RTKN2: variants seen among roughly 807,000 people sequenced by gnomAD.
The protein encoded by RTKN2 is rhotekin 2, also known as rhotekin-2.
A neutral mutation model predicts 71.5 loss-of-function variants in RTKN2; 69 were observed. The observed-to-expected ratio is 0.96, with a 90% confidence interval of 0.79 to 1.18. The LOEUF is 1.18. RTKN2 is among the 50% of genes most tolerant of loss of function. RTKN2 has a pLI of 0.00. For missense variants in RTKN2, 724 were observed against 719.7 expected, an observed-to-expected ratio of 1.01 and a Z score of -0.07; for synonymous variants, 236 against 236.5, an observed-to-expected ratio of 1.00 and a Z score of 0.02.
At position 62,262,802 on chromosome 10, in the gene RTKN2, T is replaced by A; in HGVS notation, c.80A>T (p.Lys27Ile). The change falls in exon 2 of 12, where the codon AAA becomes ATA. Residue 27 changes from lysine (K) to isoleucine (I), a missense_variant. By Grantham distance (102) the Lys-to-Ile change is moderately radical. Coordinates refer to ENST00000373789, the MANE Select transcript of RTKN2 (RefSeq NM_145307.4). ...TCGCATTCGAATTTCTAAGTCTATTTTTTCTTGAATGTTGCAGTCCTAAAA... is the reference window on the plus strand; with the variant it reads ...TCGCATTCGAATTTCTAAGTCTATTATTTCTTGAATGTTGCAGTCCTAAAA... Reference protein sequence around the residue: ...PTQQDCNIQEKIDLEIRMREG... With the variant: ...PTQQDCNIQEIIDLEIRMREG... 1 of 1,607,340 alleles carries A rather than the reference T, an allele frequency of 6.2e-7. No individual in the cohort carries two copies. Among genetic ancestry groups the A allele is most frequent in the Admixed American group, 1.7e-5 (1 of 58,730 alleles).
intron 9 of RTKN2, among the ~76,000 whole-genome samples, chr10:62,210,296 C>T (rs1445620268): frequency 6.6e-6 from 1 of 152,026 alleles, no homozygotes; most frequent in Non-Finnish European, 1.5e-5. Context: ...TTAAGTGTGA[C>T]AATTGGAATA....
downstream of RTKN2, among the ~76,000 whole-genome samples, chr10:62,190,274 CA>C (rs1841200078): frequency 6.6e-6 from 1 of 152,118 alleles, no homozygotes; most frequent in East Asian, 1.9e-4. Flanking sequence ...TCACGTTTAT[CA>C]GAGGCTGTTG....
chr10:62,257,520 C>T (rs566247039), intron 2 of RTKN2, among the ~76,000 whole-genome samples: 1 of 152,284 alleles, frequency 6.6e-6, no homozygotes, highest in African/African-American at 2.4e-5. Context: ...AGATATGGCA[C>T]TTCAGTGTAA....
chr10:62,237,806 T>C (rs1842289555), intron 5 of RTKN2, among the ~76,000 whole-genome samples: 1 of 151,524 alleles, frequency 6.6e-6, no homozygotes, highest in Non-Finnish European at 1.5e-5. Flanking sequence ...GGGTGCTGTC[T>C]GGGTGATCTT....
chr10:62,249,549 T>C (rs566183965), intron 2 of RTKN2, among the ~76,000 whole-genome samples: 1 of 152,230 alleles, frequency 6.6e-6, no homozygotes, highest in African/African-American at 2.4e-5. Context: ...AAGAACTCAA[T>C]GAATGTTTAG....
In RTKN2 at chr10:62,196,534, T is replaced by G. The variant is rs929677811; in HGVS notation, c.*1374A>C. ...AAATAATGAAAGGCTCCATTTAAAT[T>G]AATGTGGTTTTTTGGTCAAGTGTTC... On this transcript the variant is annotated 3_prime_UTR_variant, in exon 12 of 12. Coordinates refer to ENST00000373789, the MANE Select transcript of RTKN2 (RefSeq NM_145307.4). 7 of 985,270 alleles carry G rather than the reference T, an allele frequency of 7.1e-6. No individual in the cohort carries two copies. The highest frequency in any genetic ancestry group is 8.4e-6 in the Non-Finnish European group (7 of 829,906). 61.0% of individuals were successfully genotyped at this position (985,270 alleles called of 1,614,324 possible). A position where few individuals can be genotyped will look rare whatever the true frequency, so the allele number is the denominator to read the frequency against.
At position 62,195,562 on chromosome 10, in the gene RTKN2, G is replaced by A; in HGVS notation, c.*2346C>T. 2 of 675,188 alleles carry A rather than the reference G, an allele frequency of 3.0e-6. No individual in the cohort carries two copies. Among genetic ancestry groups the A allele is most frequent in the Non-Finnish European group, 3.6e-6 (2 of 549,018 alleles). The allele number at this position is 675,188 out of a possible 1,614,324, so 41.8% of individuals were successfully genotyped here. A position where few individuals can be genotyped will look rare whatever the true frequency, so the allele number is the denominator to read the frequency against. ...CCAGAGAAAGAAACAAAGACAAAAAGGAAGGAAGGAGGGAAGGAGGGAAGG... is the reference window on the plus strand; with the variant it reads ...CCAGAGAAAGAAACAAAGACAAAAAAGAAGGAAGGAGGGAAGGAGGGAAGG... On this transcript the variant is annotated 3_prime_UTR_variant, in exon 12 of 12. Transcript: ENST00000373789.
intron 2 of RTKN2, among the ~76,000 whole-genome samples, chr10:62,254,203 G>A (rs1192698198): frequency 6.6e-6 from 1 of 152,196 alleles, no homozygotes; most frequent in African/African-American, 2.4e-5. Flanking sequence ...CCAGTGCTGG[G>A]GGAGAGACCT....
Position 62,197,834 on chromosome 10 carries a change from C to T in RTKN2, c.*74G>A. The T allele has an allele frequency of 6.8e-7, 1 of 1,478,866 alleles. No homozygotes were observed. The highest frequency in any genetic ancestry group is 9.0e-7 in the Non-Finnish European group (1 of 1,112,184). 91.6% of individuals were successfully genotyped at this position (1,478,866 alleles called of 1,614,324 possible). On this transcript the variant is annotated 3_prime_UTR_variant, in exon 12 of 12. Transcript: ENST00000373789. ...CACTATATTTACCTATATAATTACA[C>T]ATTATTCTATAATGCCTCTGAATTA...
intron 5 of RTKN2, chr10:62,239,447 T>C: frequency 5.2e-6 from 2 of 381,734 alleles, no homozygotes; most frequent in East Asian, 4.8e-5. Flanking sequence ...AAGATTTCCA[T>C]TTTTATTTCA....
chr10:62,256,973 C>G (rs1171586436), intron 2 of RTKN2, among the ~76,000 whole-genome samples: 1 of 151,864 alleles, frequency 6.6e-6, no homozygotes, highest in East Asian at 1.9e-4. Context: ...AAAAAAGTAA[C>G]TGGTATATAA....
In RTKN2 at chr10:62,197,971, AGC is replaced by A. The variant is rs1386372565; in HGVS notation, c.1765_1766del (p.Ala589SerfsTer13). 1.2e-6 allele frequency: 2 copies of A among 1,613,856 alleles called. No homozygotes were observed. The highest frequency in any genetic ancestry group is 1.7e-6 in the Non-Finnish European group (2 of 1,179,938). On this transcript the variant is annotated frameshift_variant, in exon 12 of 12. Transcript: ENST00000373789. LOFTEE classifies it high-confidence loss of function. The part of the protein sequence containing the change: ...KTNFEAKPVP[A>X]PRQKSIKDIL... ...TGTCTTTGATGGATTTCTGCCTTGG[AGC>A]TGGCACTGGCTTGGCTTCAAAATTG...
At chr10:62,245,938 C>A in intron 3 of RTKN2, 61 bp downstream of exon 3, 4 of 1,039,406 alleles carry the variant, frequency 3.8e-6, no homozygotes, top group East Asian at 2.5e-5. Flanking sequence ...AAAACAAAAT[C>A]CACCATGTAG....
At chr10:62,184,274 A>G (rs770554938) in exon 9 of RTKN2, 1 of 1,193,614 alleles carries the variant, frequency 8.4e-7, no homozygotes, top group South Asian at 1.4e-5. Context: ...GAAATGTCAC[A>G]TTGTATTTTA....
At chr10:62,226,386 T>C (rs1168988280) in intron 6 of RTKN2, among the ~76,000 whole-genome samples, 2 of 152,234 alleles carry the variant, frequency 1.3e-5, no homozygotes, top group East Asian at 1.9e-4. Context: ...GCATACTTCA[T>C]AGAATACTAC....
In RTKN2 at chr10:62,268,532, G is replaced by A. The variant is rs113573261; in HGVS notation, c.60+19C>T. On this transcript the variant is annotated intron_variant, in intron 1 of 11. Coordinates refer to ENST00000373789, the MANE Select transcript of RTKN2 (RefSeq NM_145307.4). ...CCGGCTCCCTCACCTTCCGCGGCAG[G>A]GTCCCTCCCGCAACTCACCTGCTGG... 1.7e-5 allele frequency: 27 copies of A among 1,551,828 alleles called. No homozygotes were observed. The African/African-American group carries it at 2.9e-4, about 16-fold the overall frequency.
chr10:62,237,600 G>A (rs1477306707), intron 5 of RTKN2, among the ~76,000 whole-genome samples: 1 of 151,754 alleles, frequency 6.6e-6, no homozygotes, highest in African/African-American at 2.4e-5. Flanking sequence ...GTAATTTTCT[G>A]AAATGACTGT....
At chr10:62,243,417 T>C (rs1403906977) in intron 3 of RTKN2, among the ~76,000 whole-genome samples, 2 of 152,022 alleles carry the variant, frequency 1.3e-5, no homozygotes, top group African/African-American at 2.4e-5. Flanking sequence ...TGCTGACTCA[T>C]TTCATTTCAC....
Position 62,223,273 on chromosome 10 carries a change from C to A in RTKN2, c.746G>T (p.Ser249Ile). The A allele has an allele frequency of 8.7e-6, 14 of 1,610,454 alleles. No individual in the cohort carries two copies. Among genetic ancestry groups the A allele is most frequent in the Non-Finnish European group, 1.2e-5 (14 of 1,176,864 alleles). The change falls in exon 7 of 12, where the codon AGT becomes ATT. Residue 249 changes from serine (S) to isoleucine (I), a missense_variant. Coordinates refer to ENST00000373789, the MANE Select transcript of RTKN2 (RefSeq NM_145307.4). ...AATAGACAGATTATGGGTCTTGAAA[C>A]TATCCTCAGCACTTTCCAAGGTTAG... is the stretch of plus-strand genomic sequence containing the variant. ...TTLTLESAED[S>I]FKTHNLSING...
Sources: allele counts gnomAD v4.1 joint callset (sites outside exome capture counted in the v4.1 genomes callset), GRCh38; gene constraint gnomAD v4.1.1; transcripts MANE v1.5; gene names NCBI Gene and HGNC (gene_info 2026-07-23, HGNC 2026-07-21).